The following PTPRG variants were observed in gnomAD, a reference collection of about 807,000 sequenced individuals.
The protein encoded by PTPRG is receptor-type tyrosine-protein phosphatase gamma.
In PTPRG, 102 loss-of-function variants were observed where a neutral mutation model predicts 165.3. The ratio of observed to expected loss-of-function variants is 0.62; its 90% confidence interval spans 0.53 to 0.73. The LOEUF (loss-of-function observed/expected upper bound fraction) is 0.73, where lower values mean the gene tolerates loss of function less well. Ranked by LOEUF, PTPRG falls within the 30% of genes least tolerant of loss-of-function variation. The pLI is 0.00. For synonymous variants in PTPRG, 675 were observed against 669.5 expected, an observed-to-expected ratio of 1.01 and a Z score of -0.13; for missense variants, 1,866 against 1,861.4, an observed-to-expected ratio of 1.00 and a Z score of -0.05.
At chr3:61,679,503 G>A (rs1703353350) in intron 1 of PTPRG, among the ~76,000 whole-genome samples, 1 of 152,150 alleles carries the variant, frequency 6.6e-6, no homozygotes, top group Non-Finnish European at 1.5e-5. Flanking sequence ...CAGTGAATAA[G>A]GCCAGGTACC....
chr3:62,024,991 T>C (rs1180059114), intron 4 of PTPRG, among the ~76,000 whole-genome samples: 1 of 152,186 alleles, frequency 6.6e-6, no homozygotes, highest in East Asian at 1.9e-4. Context: ...CAATTTCTTG[T>C]TTGTTGGCAT....
chr3:62,243,601 G>T (rs1163773562), intron 14 of PTPRG: 1 of 442,014 alleles, frequency 2.3e-6, no homozygotes, highest in Non-Finnish European at 4.0e-6. Context: ...ATGCGGTGAT[G>T]ATAAAAAAAA....
intron 5 of PTPRG, among the ~76,000 whole-genome samples, chr3:62,111,719 G>A (rs1318531966): frequency 6.6e-6 from 1 of 152,146 alleles, no homozygotes; most frequent in Non-Finnish European, 1.5e-5. Flanking sequence ...AAAGTGCTGG[G>A]ATTATAGGCG....
At chr3:61,803,149 T>C (rs145174196) in intron 2 of PTPRG, among the ~76,000 whole-genome samples, 1 of 152,260 alleles carries the variant, frequency 6.6e-6, no homozygotes, top group African/African-American at 2.4e-5. Flanking sequence ...TTGCTGTGAG[T>C]AGAAATCTGT....
chr3:61,810,720 G>A (rs959232271), intron 2 of PTPRG, among the ~76,000 whole-genome samples: 1 of 152,172 alleles, frequency 6.6e-6, no homozygotes, highest in East Asian at 1.9e-4. Flanking sequence ...AATGGCCTTT[G>A]ACAGAGAAGT....
intron 7 of PTPRG, among the ~76,000 whole-genome samples, chr3:62,164,865 G>A (rs910127681): frequency 6.6e-6 from 1 of 152,142 alleles, no homozygotes; most frequent in Non-Finnish European, 1.5e-5. Flanking sequence ...CTGCAGAGTC[G>A]TATTGCTGAG....
At chr3:61,905,842 T>C (rs1162332647) in intron 2 of PTPRG, among the ~76,000 whole-genome samples, 1 of 152,216 alleles carries the variant, frequency 6.6e-6, no homozygotes, top group Non-Finnish European at 1.5e-5. Context: ...CCATTTAACT[T>C]CCCAAAATAC....
intron 1 of PTPRG, among the ~76,000 whole-genome samples, chr3:61,738,716 A>G (rs1018914053): frequency 1.8e-4 from 27 of 152,014 alleles, no homozygotes; most frequent in African/African-American, 6.5e-4. Context: ...TTTATTAATC[A>G]ACATGTCACT....
chr3:61,650,944 C>G (rs1260795422), intron 1 of PTPRG, among the ~76,000 whole-genome samples: 1 of 152,122 alleles, frequency 6.6e-6, no homozygotes, highest in East Asian at 1.9e-4. Flanking sequence ...AACAATGATT[C>G]AGCAATTTGA....
At chr3:61,616,457 T>A (rs1029736761) in intron 1 of PTPRG, among the ~76,000 whole-genome samples, 1 of 152,220 alleles carries the variant, frequency 6.6e-6, no homozygotes, top group Non-Finnish European at 1.5e-5. Flanking sequence ...GGACTCCTTC[T>A]GTGACAAGGT....
chr3:61,584,032 T>G, intron 1 of PTPRG, among the ~76,000 whole-genome samples: 1 of 152,186 alleles, frequency 6.6e-6, no homozygotes, highest in East Asian at 1.9e-4. Flanking sequence ...GTGGTTTCAT[T>G]TCTTTGTTTG....
intron 2 of PTPRG, among the ~76,000 whole-genome samples, chr3:61,914,062 G>T (rs1286274826): frequency 6.6e-5 from 10 of 152,178 alleles, no homozygotes; most frequent in Non-Finnish European, 8.8e-5. Flanking sequence ...AAAGGCTCTG[G>T]TTTATGTCCC....
intron 14 of PTPRG, among the ~76,000 whole-genome samples, chr3:62,239,431 G>A (rs1234053544): frequency 1.4e-5 from 2 of 139,426 alleles, no homozygotes; most frequent in Non-Finnish European, 3.0e-5. Context: ...GTGTGATCTC[G>A]GCTCACTGCA....
chr3:61,983,196 A>C (rs2040679700), intron 2 of PTPRG, among the ~76,000 whole-genome samples: 1 of 152,216 alleles, frequency 6.6e-6, no homozygotes, highest in African/African-American at 2.4e-5. Context: ...ATAAATGCAC[A>C]AGAAGTAATT....
intron 6 of PTPRG, among the ~76,000 whole-genome samples, chr3:62,149,593 T>G (rs958395989): frequency 2.6e-5 from 4 of 152,138 alleles, no homozygotes; most frequent in Non-Finnish European, 5.9e-5. Flanking sequence ...TCTAATACTT[T>G]CCCACCTCCC....
intron 5 of PTPRG, among the ~76,000 whole-genome samples, chr3:62,094,963 A>G (rs370449413): frequency 1.3e-5 from 2 of 152,360 alleles, no homozygotes; most frequent in South Asian, 4.1e-4. Flanking sequence ...GCCATGCAGA[A>G]TGGTAATCTA....
intron 1 of PTPRG, among the ~76,000 whole-genome samples, chr3:61,681,172 G>C (rs1703429792): frequency 1.3e-5 from 2 of 151,062 alleles, no homozygotes; most frequent in South Asian, 4.2e-4. Flanking sequence ...AAAGCTTTTA[G>C]CTTGTGAAAA....
At chr3:62,176,596 C>T (rs961672567) in intron 8 of PTPRG, among the ~76,000 whole-genome samples, 6 of 152,112 alleles carry the variant, frequency 3.9e-5, no homozygotes, top group African/African-American at 1.4e-4. Context: ...TCCTAAAAGT[C>T]ATCACTGGGC....
chr3:62,228,686 C>T lies in PTPRG; in HGVS notation c.2289-2539C>T, dbSNP rs1313032804. ...TATGCAAAGCAAAGTCCACTGTTAA[C>T]GGGTAGAATCAGATTCTTTTCTGGA... On this transcript the variant is annotated intron_variant, in intron 13 of 29. Coordinates refer to ENST00000474889, the MANE Select transcript of PTPRG (RefSeq NM_002841.4). The surrounding 1 kb of genome is among the most constrained non-coding windows in gnomAD (Gnocchi z 4.1). Among the ~76,000 whole-genome samples the T allele has an allele frequency of 3.3e-5, 5 of 152,110 alleles. No individual in the cohort carries two copies. Among genetic ancestry groups the T allele is most frequent in the Admixed American group, 6.5e-5 (1 of 15,282 alleles).
Sources: gnomAD v4.1 joint callset for allele counts (sites outside exome capture counted in the v4.1 genomes callset) on GRCh38, gnomAD v4.1.1 for gene constraint, Gnocchi (gnomAD v3.1) non-coding constraint, MANE v1.5 for transcripts, NCBI Gene and HGNC (gene_info 2026-07-23, HGNC 2026-07-21) for gene names.